Variants in BNC2 observed in about 807,000 individuals in gnomAD.
BNC2 encodes zinc finger protein basonuclin-2.
In BNC2, 20 loss-of-function variants were observed where a neutral mutation model predicts 76.3. The ratio of observed to expected loss-of-function variants is 0.26; its 90% confidence interval spans 0.18 to 0.38. The LOEUF is 0.38. Among genes scored for constraint, BNC2 ranks in the 10% least tolerant of loss-of-function variants. The probability of loss-of-function intolerance (pLI) is 1.00; values close to 1 mark genes in which losing one functional copy is unlikely to be tolerated. For synonymous variants in BNC2, 582 were observed against 514.8 expected (o/e 1.13, Z -1.77); for missense variants, 1,382 against 1,399.8 (o/e 0.99, Z 0.20).
chr9:16,806,608 G>T (rs781578368), intron 1 of BNC2, among the ~76,000 whole-genome samples: 15 of 152,088 alleles, frequency 9.9e-5, no homozygotes, highest in Non-Finnish European at 1.8e-4. Flanking sequence ...AAGGGGTGTT[G>T]GAGAAATCAG....
At chr9:16,702,947 A>G (rs1823558010) in intron 3 of BNC2, among the ~76,000 whole-genome samples, 1 of 152,244 alleles carries the variant, frequency 6.6e-6, no homozygotes, top group African/African-American at 2.4e-5. Flanking sequence ...GAAGTTTCCA[A>G]AGCCAAACAA....
chr9:16,509,520 T>G (rs1295670466), intron 5 of BNC2, among the ~76,000 whole-genome samples: 1 of 152,136 alleles, frequency 6.6e-6, no homozygotes. Context: ...AAAACAGTAT[T>G]AAGAAACAAC....
intron 1 of BNC2, among the ~76,000 whole-genome samples, chr9:16,751,547 T>G (rs1825194657): frequency 1.3e-5 from 1 of 79,802 alleles, no homozygotes; most frequent in Non-Finnish European, 2.7e-5. Flanking sequence ...TGAAGAGTCA[T>G]AAATCATATA....
chr9:16,815,169 G>C (rs1318441648), intron 1 of BNC2, among the ~76,000 whole-genome samples: 1 of 152,164 alleles, frequency 6.6e-6, no homozygotes, highest in African/African-American at 2.4e-5. Flanking sequence ...CAAAAGCAAA[G>C]TCAAGGAGAT....
At chr9:16,728,086 C>G in intron 2 of BNC2, 89 bp from the exon 3 acceptor site, 1 of 1,022,706 alleles carries the variant, frequency 9.8e-7, no homozygotes, top group Non-Finnish European at 1.5e-6. Flanking sequence ...CTGTGCATTT[C>G]ATTTGGGAAG....
intron 1 of BNC2, among the ~76,000 whole-genome samples, chr9:16,828,968 G>C (rs1818516457): frequency 6.6e-6 from 1 of 151,698 alleles, no homozygotes; most frequent in South Asian, 2.1e-4. Flanking sequence ...GGGCGCGGGG[G>C]AGAGGCCGCA....
chr9:16,812,354 G>C (rs1554740969), intron 1 of BNC2, among the ~76,000 whole-genome samples: 1 of 152,204 alleles, frequency 6.6e-6, no homozygotes, highest in Non-Finnish European at 1.5e-5. Context: ...TAAAACACTT[G>C]GGAGTCTTCT....
At chr9:16,696,563 C>T (rs1823344887) in intron 3 of BNC2, among the ~76,000 whole-genome samples, 1 of 152,138 alleles carries the variant, frequency 6.6e-6, no homozygotes, top group African/African-American at 2.4e-5. Flanking sequence ...TGACCTTGAA[C>T]CTTAAAAACA....
At chr9:16,870,621 A>C in intron 1 of BNC2, 25 bp downstream of exon 1, 1 of 1,610,140 alleles carries the variant, frequency 6.2e-7, no homozygotes, top group African/African-American at 1.3e-5. Flanking sequence ...AGAATAAAAG[A>C]GGAAGGAGGG....
At chr9:16,840,901 A>T (rs1044280107) in intron 1 of BNC2, among the ~76,000 whole-genome samples, 3 of 152,240 alleles carry the variant, frequency 2.0e-5, no homozygotes, top group Admixed American at 6.5e-5. Context: ...CTCCACAATA[A>T]ACAGGCCTAA....
Position 16,567,341 on chromosome 9 carries a change from T to C in BNC2, c.434-14576A>G, listed in dbSNP as rs554191207. On this transcript the variant is annotated intron_variant, in intron 4 of 6. Transcript: ENST00000380672. ...GTAAAGTAATATGTACTTTTAACTA[T>C]ACTGCTAACTTAAAGAACAAAGTAA... Among the ~76,000 whole-genome samples the C allele has an allele frequency of 2.0e-5, 3 of 152,334 alleles. No homozygotes were observed. In the East Asian group the frequency reaches 5.8e-4, roughly 29 times the overall value.
chr9:16,426,325 CTT>C (rs34622231), intron 6 of BNC2, among the ~76,000 whole-genome samples: 4 of 136,956 alleles, frequency 2.9e-5, no homozygotes, highest in Non-Finnish European at 3.1e-5. Flanking sequence ...CCATGCCCAG[CTT>C]TTTTTTTTTT....
chr9:16,846,233 G>C (rs1198571365), intron 1 of BNC2, among the ~76,000 whole-genome samples: 2 of 151,718 alleles, frequency 1.3e-5, no homozygotes, highest in Non-Finnish European at 2.9e-5. Flanking sequence ...AAAAAGAAAA[G>C]ATGCTTCAAA....
intron 3 of BNC2, among the ~76,000 whole-genome samples, chr9:16,716,171 G>C (rs1823990328): frequency 6.6e-6 from 1 of 152,072 alleles, no homozygotes; most frequent in Non-Finnish European, 1.5e-5. Flanking sequence ...TTCCTTTCTA[G>C]AGCTATCATG....
At chr9:16,517,497 T>G (rs1447414739) in intron 5 of BNC2, among the ~76,000 whole-genome samples, 1 of 152,178 alleles carries the variant, frequency 6.6e-6, no homozygotes. Context: ...ACAGTATTGC[T>G]TGCCAGAAAG....
At chr9:16,786,669 G>C (rs1016141067) in intron 1 of BNC2, among the ~76,000 whole-genome samples, 2 of 152,096 alleles carry the variant, frequency 1.3e-5, no homozygotes, top group Non-Finnish European at 2.9e-5. Flanking sequence ...CTCTAGCTCT[G>C]AACCCCAACT....
intron 3 of BNC2, among the ~76,000 whole-genome samples, chr9:16,700,602 A>T (rs529665246): frequency 6.6e-6 from 1 of 152,272 alleles, no homozygotes; most frequent in African/African-American, 2.4e-5. Flanking sequence ...CGTGCCAGCA[A>T]CCTGGCTTGT....
At chr9:16,606,244 A>G (rs1376306840) in intron 3 of BNC2, among the ~76,000 whole-genome samples, 1 of 152,198 alleles carries the variant, frequency 6.6e-6, no homozygotes, top group African/African-American at 2.4e-5. Context: ...GAATAGAAAA[A>G]ATATTTTTTA....
intron 3 of BNC2, among the ~76,000 whole-genome samples, chr9:16,619,974 T>C (rs1395056260): frequency 6.6e-6 from 1 of 152,148 alleles, no homozygotes; most frequent in Non-Finnish European, 1.5e-5. Context: ...GAAAAATAAG[T>C]CCAGCATTCA....
Sources: allele counts gnomAD v4.1 joint callset (sites outside exome capture counted in the v4.1 genomes callset), GRCh38; gene constraint gnomAD v4.1.1; transcripts MANE v1.5; gene names NCBI Gene and HGNC (gene_info 2026-07-23, HGNC 2026-07-21).